The following LPP variants were observed in gnomAD, a reference collection of about 807,000 sequenced individuals.
The protein encoded by LPP is LIM domain containing preferred translocation partner in lipoma, also known as lipoma-preferred partner.
LPP carries 38 observed loss-of-function variants against 60.4 expected under a neutral mutation model. That is an observed-to-expected ratio of 0.63 (90% CI 0.49 to 0.83). The LOEUF (loss-of-function observed/expected upper bound fraction) is 0.83, where lower values mean the gene tolerates loss of function less well. LPP is among the 40% of genes least tolerant of loss of function. LPP has a pLI of 0.00. For synonymous variants in LPP, 328 were observed against 290.8 expected (o/e 1.13, Z -1.30); for missense variants, 902 against 783.6 (o/e 1.15, Z -1.80).
At chr3:188,836,316 GA>G (rs1758436160) in intron 9 of LPP, among the ~76,000 whole-genome samples, 1 of 152,190 alleles carries the variant, frequency 6.6e-6, no homozygotes, top group African/African-American at 2.4e-5. Flanking sequence ...GGGCAAACAT[GA>G]CATATTCCTG....
chr3:188,721,764 G>C (rs560008370), intron 8 of LPP, among the ~76,000 whole-genome samples: 2 of 152,030 alleles, frequency 1.3e-5, no homozygotes, highest in African/African-American at 2.4e-5. Flanking sequence ...TCTTGTGAAG[G>C]ATCGTGTTGT....
intron 3 of LPP, among the ~76,000 whole-genome samples, chr3:188,393,195 A>G (rs1346731405): frequency 2.0e-5 from 3 of 152,042 alleles, no homozygotes; most frequent in Non-Finnish European, 4.4e-5. Context: ...TTTTATTTTA[A>G]GAAAAAGTGA....
intron 2 of LPP, among the ~76,000 whole-genome samples, chr3:188,334,325 A>C (rs1760984913): frequency 6.6e-6 from 1 of 151,748 alleles, no homozygotes; most frequent in Non-Finnish European, 1.5e-5. Flanking sequence ...GTGCTGCAAT[A>C]AACATGGGAA....
chr3:188,313,502 G>T (rs542006081), intron 2 of LPP, among the ~76,000 whole-genome samples: 112 of 152,158 alleles, frequency 7.4e-4, no homozygotes, highest in African/African-American at 2.6e-3. Context: ...GCCAAGTGTG[G>T]TGGCGGGCAC....
At chr3:188,349,706 A>G (rs964306447) in intron 3 of LPP, among the ~76,000 whole-genome samples, 2 of 152,198 alleles carry the variant, frequency 1.3e-5, no homozygotes, top group African/African-American at 4.8e-5. Flanking sequence ...GATGGCACGT[A>G]TGGAGACTTT....
intron 2 of LPP, among the ~76,000 whole-genome samples, chr3:188,269,389 C>A (rs2306375): frequency 0.11 from 17,086 of 152,138 alleles, 1,288 homozygotes; most frequent in African/African-American, 0.21. Context: ...TAAGTATTAC[C>A]TGGCTGGTGA....
intron 1 of LPP, among the ~76,000 whole-genome samples, chr3:188,183,424 A>G (rs1725694328): frequency 6.6e-6 from 1 of 152,194 alleles, no homozygotes. Context: ...CAGGTGTGAA[A>G]GAAGCTTTGT....
chr3:188,562,985 TTGTC>T (rs1831097558), intron 6 of LPP, among the ~76,000 whole-genome samples: 1 of 151,848 alleles, frequency 6.6e-6, no homozygotes, highest in African/African-American at 2.4e-5. Flanking sequence ...GCCTAGCAGT[TTGTC>T]GAGTGGCTTT....
chr3:188,609,941 A>C lies in LPP; in HGVS notation c.1113+97A>C. 1 of 1,183,686 alleles carries C rather than the reference A, an allele frequency of 8.4e-7. No individual in the cohort carries two copies. Among genetic ancestry groups the C allele is most frequent in the Non-Finnish European group, 1.2e-6 (1 of 843,500 alleles). The allele number at this position is 1,183,686 out of a possible 1,614,324, so 73.3% of individuals were successfully genotyped here. A position where few individuals can be genotyped will look rare whatever the true frequency, so the allele number is the denominator to read the frequency against. On this transcript the variant is annotated intron_variant, in intron 7 of 11. Transcript: ENST00000617246. The surrounding 1 kb of genome is among the most constrained non-coding windows in gnomAD (Gnocchi z 6.9). ...AGCCTAAGGCAAAAGTGTGTGTGTT[A>C]CTTTTATTTCACTGACAAATACAAT... is the stretch of plus-strand genomic sequence containing the variant.
At chr3:188,181,433 A>G (rs186144911) in intron 1 of LPP, among the ~76,000 whole-genome samples, 112 of 152,054 alleles carry the variant, frequency 7.4e-4, no homozygotes, top group Middle Eastern at 6.8e-3. Flanking sequence ...TTGCTACATA[A>G]TTGTATCTGT....
At chr3:188,732,715 T>TAAAAA (rs1560128851) in intron 8 of LPP, among the ~76,000 whole-genome samples, 3 of 22,356 alleles carry the variant, frequency 1.3e-4, no homozygotes, top group Non-Finnish European at 3.2e-4. Flanking sequence ...GAGACTCTTA[T>TAAAAA]CAAAAAAAAA....
At chr3:188,415,668 A>C (rs1179234256) in intron 4 of LPP, among the ~76,000 whole-genome samples, 1 of 151,538 alleles carries the variant, frequency 6.6e-6, no homozygotes, top group Non-Finnish European at 1.5e-5. Context: ...ATGCTTAATG[A>C]AAAAACTGTC....
At chr3:188,843,116 T>G (rs922252771) in intron 9 of LPP, among the ~76,000 whole-genome samples, 7 of 152,222 alleles carry the variant, frequency 4.6e-5, no homozygotes, top group Non-Finnish European at 8.8e-5. Flanking sequence ...CCATTTTTCT[T>G]TTTTATCATA....
chr3:188,471,935 T>C (rs918883622), intron 4 of LPP, among the ~76,000 whole-genome samples: 11 of 152,154 alleles, frequency 7.2e-5, no homozygotes, highest in Admixed American at 1.3e-4. Flanking sequence ...TGTTGACATG[T>C]GTTTTATTTT....
intron 2 of LPP, among the ~76,000 whole-genome samples, chr3:188,250,785 TC>T (rs1729072910): frequency 1.2e-5 from 1 of 84,022 alleles, no homozygotes; most frequent in African/African-American, 5.8e-5. Context: ...TTTCTTTCTT[TC>T]TGTCTTTCTC....
In LPP at chr3:188,159,288, C is replaced by T. The variant is rs537073131; in HGVS notation, c.-190+5036C>T. 3.9e-4 allele frequency among the ~76,000 whole-genome samples: 60 copies of T among 152,290 alleles called. 1 individual carries two copies. The South Asian group carries it at 8.1e-3, about 21-fold the overall frequency. ...GCTCAGGGCTCTGAGGGAACACCTA[C>T]AATCCTTCCTATCACCTACCTGAGT... On this transcript the variant is annotated intron_variant, in intron 1 of 11. Coordinates refer to ENST00000617246, the MANE Select transcript of LPP (RefSeq NM_001375462.1).
chr3:188,757,897 T>TTTTTTG (rs780213914), intron 8 of LPP, among the ~76,000 whole-genome samples: 30,322 of 144,256 alleles, frequency 0.21, 3,884 homozygotes, highest in South Asian at 0.38. Context: ...TGGTTTTTTT[T>TTTTTTG]TTTTTTTTTT....
chr3:188,309,661 A>C (rs1391933581), intron 2 of LPP, among the ~76,000 whole-genome samples: 1 of 148,050 alleles, frequency 6.8e-6, no homozygotes, highest in East Asian at 2.1e-4. Flanking sequence ...GAGATTGTAT[A>C]ATTCGATAAA....
chr3:188,367,348 C>G (rs899015966), intron 3 of LPP, among the ~76,000 whole-genome samples: 1 of 152,000 alleles, frequency 6.6e-6, no homozygotes, highest in African/African-American at 2.4e-5. Context: ...CTTCTACATT[C>G]CAAGAAAATC....
Sources: gnomAD v4.1 joint callset for allele counts (sites outside exome capture counted in the v4.1 genomes callset) on GRCh38, gnomAD v4.1.1 for gene constraint, Gnocchi (gnomAD v3.1) non-coding constraint, MANE v1.5 for transcripts, NCBI Gene and HGNC (gene_info 2026-07-23, HGNC 2026-07-21) for gene names.